Variants in IL23R observed in about 807,000 individuals in gnomAD.
IL23R encodes interleukin-23 receptor.
A neutral mutation model predicts 56.9 loss-of-function variants in IL23R; 34 were observed. The ratio of observed to expected loss-of-function variants is 0.60; its 90% CI spans 0.45 to 0.80. The LOEUF is 0.80. Among genes scored for constraint, IL23R ranks in the 30% least tolerant of loss-of-function variants. IL23R has a pLI of 0.00. For missense variants in IL23R, 635 were observed against 730.0 expected, an observed-to-expected ratio of 0.87 and a Z score of 1.50; for synonymous variants, 230 against 249.2, an observed-to-expected ratio of 0.92 and a Z score of 0.73.
chr1:67,201,924 ACT>A (rs1188075893), intron 5 of IL23R, among the ~76,000 whole-genome samples: 3 of 152,190 alleles, frequency 2.0e-5, no homozygotes, highest in African/African-American at 2.4e-5. Flanking sequence ...GGAGATTAAC[ACT>A]GTTTTCAGTT....
rs367633433 is a variant in IL23R, at chr1:67,155,176, C to T, written c.-633-12916C>T. On this transcript the variant is annotated intron_variant, in intron 1 of 10. Coordinates refer to the IL23R transcript ENST00000637002. ...AGAGATCTGCTGTTAGTCTGATGGG[C>T]TTCCCTTTGTAGGTGACCTGGCCTT... Among the ~76,000 whole-genome samples the T allele has an allele frequency of 3.7e-3, 563 of 152,300 alleles. 4 individuals carry two copies. The highest frequency in any genetic ancestry group is 0.013 in the African/African-American group (541 of 41,556).
intron 7 of IL23R, among the ~76,000 whole-genome samples, chr1:67,226,789 G>T (rs1301151828): frequency 6.6e-6 from 1 of 152,136 alleles, no homozygotes; most frequent in Admixed American, 6.5e-5. Context: ...AGTAGTAGTG[G>T]TTTGGGTGAC....
At chr1:67,148,188 G>C (rs1170394816) in intron 1 of IL23R, among the ~76,000 whole-genome samples, 1 of 152,256 alleles carries the variant, frequency 6.6e-6, no homozygotes. Flanking sequence ...ACACCCTGCC[G>C]GATCCAGAGG....
chr1:67,218,975 A>G (rs961716526), intron 6 of IL23R, among the ~76,000 whole-genome samples: 1 of 149,928 alleles, frequency 6.7e-6, no homozygotes, highest in Admixed American at 6.7e-5. Flanking sequence ...ACACACATAT[A>G]AATAAATAAA....
intron 1 of IL23R, among the ~76,000 whole-genome samples, chr1:67,152,294 A>G (rs1323255627): frequency 6.6e-6 from 1 of 151,992 alleles, no homozygotes; most frequent in East Asian, 1.9e-4. Flanking sequence ...AATGCTTGTG[A>G]TTTTGATTGA....
chr1:67,164,587 G>T (rs2102548284), upstream of IL23R, among the ~76,000 whole-genome samples: 2 of 151,490 alleles, frequency 1.3e-5, no homozygotes, highest in South Asian at 4.2e-4. Flanking sequence ...AGCCGAGATT[G>T]TGCCATTGCA....
chr1:67,256,393 CTG>C (rs1194771890), intron 10 of IL23R, among the ~76,000 whole-genome samples: 1 of 152,200 alleles, frequency 6.6e-6, no homozygotes, highest in African/African-American at 2.4e-5. Context: ...TGTGAGAGAA[CTG>C]TGAACAATAG....
At chr1:67,213,864 C>T (rs966166563) in intron 6 of IL23R, among the ~76,000 whole-genome samples, 1 of 152,214 alleles carries the variant, frequency 6.6e-6, no homozygotes, top group African/African-American at 2.4e-5. Context: ...CAGATTTTGT[C>T]TCTGGAGACA....
In IL23R at chr1:67,168,203, AT is replaced by A. The variant is rs1558223253; in HGVS notation, c.70+14del. 3.8e-6 allele frequency: 6 copies of A among 1,562,994 alleles called. No individual in the cohort carries two copies. In the African/African-American group the frequency reaches 8.1e-5, roughly 21 times the overall value. On this transcript the variant is annotated intron_variant, in intron 2 of 10. Coordinates refer to ENST00000347310, the MANE Select transcript of IL23R (RefSeq NM_144701.3). ...TGGTGTCATGGAGGTATGGTGTTTT[AT>A]GTATCTATTGCTATCTTTCATTCAA...
chr1:67,237,802 C>T (rs539238860), intron 8 of IL23R, among the ~76,000 whole-genome samples: 1 of 152,262 alleles, frequency 6.6e-6, no homozygotes, highest in Admixed American at 6.5e-5. Context: ...CATTTATCTC[C>T]TTGTGTAGAA....
chr1:67,228,140 CTGT>C lies in IL23R; in HGVS notation c.955+8411_955+8413del, dbSNP rs1204628680. ...TCTTTCTTTCTTTCCTTCTTTCTTT[CTGT>C]CTTTCTTTTTCCTTCCTTCCTTCCT... is the stretch of plus-strand genomic sequence containing the variant. On this transcript the variant is annotated intron_variant, in intron 7 of 10. Coordinates refer to ENST00000347310, the MANE Select transcript of IL23R (RefSeq NM_144701.3). Among the ~76,000 whole-genome samples, 924 of 112,468 alleles carry C rather than the reference CTGT, an allele frequency of 8.2e-3. 17 individuals carry two copies. Among genetic ancestry groups the C allele is most frequent in the East Asian group, 0.018 (73 of 4,170 alleles). 73.8% of individuals were successfully genotyped at this position (112,468 alleles called of 152,430 possible). A position where few individuals can be genotyped will look rare whatever the true frequency, so the allele number is the denominator to read the frequency against.
intron 10 of IL23R, among the ~76,000 whole-genome samples, chr1:67,256,437 G>A (rs1652954810): frequency 6.6e-6 from 1 of 152,186 alleles, no homozygotes; most frequent in African/African-American, 2.4e-5. Flanking sequence ...TTCCATTCTG[G>A]CAAAGAGAAG....
intron 1 of IL23R, among the ~76,000 whole-genome samples, chr1:67,167,134 A>G (rs1646882545): frequency 1.3e-5 from 2 of 152,050 alleles, no homozygotes; most frequent in African/African-American, 4.8e-5. Context: ...ACAAGGTCTC[A>G]CTCTGTCGCC....
rs1002864303 is a variant in IL23R at position 67,250,243 on chromosome 1, T to G, written c.1149-5594T>G. On this transcript the variant is annotated intron_variant, in intron 9 of 10. Transcript: ENST00000347310. ...CAACTTTTAATTTTGGTGCCTAAATTTCCTTTCATGTATCCTTTCATGACT... is the reference window on the plus strand; with the variant it reads ...CAACTTTTAATTTTGGTGCCTAAATGTCCTTTCATGTATCCTTTCATGACT... 4.6e-5 allele frequency among the ~76,000 whole-genome samples: 7 copies of G among 152,334 alleles called. No individual in the cohort carries two copies. The East Asian group carries it at 1.2e-3, about 25-fold the overall frequency.
chr1:67,236,826 T>C, intron 8 of IL23R, 24 bp downstream of exon 8: 2 of 1,472,258 alleles, frequency 1.4e-6, no homozygotes, highest in Non-Finnish European at 1.9e-6. Context: ...ACTTAGGCTT[T>C]TTGAGTAGTC....
intron 5 of IL23R, among the ~76,000 whole-genome samples, chr1:67,205,208 G>C (rs1648917843): frequency 6.6e-6 from 1 of 152,252 alleles, no homozygotes; most frequent in Non-Finnish European, 1.5e-5. Flanking sequence ...TCTACGCCAG[G>C]TGTAGCCCCC....
intron 7 of IL23R, among the ~76,000 whole-genome samples, chr1:67,228,151 T>TTTCCTTCCTTCCTTCC (rs71062406): frequency 0.019 from 1,098 of 57,916 alleles, 21 homozygotes; most frequent in Non-Finnish European, 0.024. Flanking sequence ...TGTCTTTCTT[T>TTTCCTTCCTTCCTTCC]TTCCTTCCTT....
chr1:67,169,638 T>G lies in IL23R; in HGVS notation c.367T>G (p.Tyr123Asp). Residue 123 changes from tyrosine (Y) to aspartate (D), a missense_variant and splice_region_variant, in exon 3 of 11, where the codon TAT becomes GAT. By Grantham distance (160) the Tyr-to-Asp change is radical (BLOSUM62 -3). Coordinates refer to ENST00000347310, the MANE Select transcript of IL23R (RefSeq NM_144701.3). ...ATGTGGAAAAGACATTTCTTCTGGA[T>G]GTAAGTGTTGGGGCACATTTGAAAT... Reference protein sequence around the residue: ...LICGKDISSGYPPDIPDEVTC... With the variant: ...LICGKDISSGDPPDIPDEVTC... 6.2e-7 allele frequency: 1 copy of G among 1,613,876 alleles called. No individual in the cohort carries two copies. Among genetic ancestry groups the G allele is most frequent in the Non-Finnish European group, 8.5e-7 (1 of 1,179,798 alleles).
At chr1:67,192,233 A>G (rs1272114358) in intron 4 of IL23R, among the ~76,000 whole-genome samples, 11 of 152,212 alleles carry the variant, frequency 7.2e-5, no homozygotes, top group Non-Finnish European at 2.9e-5. Context: ...TTCCAAAAAC[A>G]TCTTATCTGG....
Sources: allele counts gnomAD v4.1 joint callset (sites outside exome capture counted in the v4.1 genomes callset), GRCh38; gene constraint gnomAD v4.1.1; transcripts MANE v1.5; gene names NCBI Gene and HGNC (gene_info 2026-07-23, HGNC 2026-07-21).